PAX7: variants seen among roughly 807,000 people sequenced by gnomAD.
The protein encoded by PAX7 is paired box 7.
Under a neutral mutation model 50.7 loss-of-function variants are expected in PAX7, and 18 were observed. The observed-to-expected ratio is 0.36, with a 90% confidence interval of 0.25 to 0.53. The LOEUF is 0.53. Among genes scored for constraint, PAX7 ranks in the 20% least tolerant of loss-of-function variants. The pLI, the probability that PAX7 is intolerant of heterozygous loss-of-function variation, is 0.93. For synonymous variants in PAX7, 310 were observed against 290.4 expected (o/e 1.07, Z -0.69); for missense variants, 644 against 702.9 (o/e 0.92, Z 0.95).
intron 7 of PAX7, among the ~76,000 whole-genome samples, chr1:18,715,507 A>G (rs555884842): frequency 1.1e-4 from 16 of 152,296 alleles, no homozygotes; most frequent in African/African-American, 3.4e-4. Context: ...TTTCTGTCCT[A>G]CAGATATAGG....
intron 4 of PAX7, among the ~76,000 whole-genome samples, chr1:18,681,773 C>G (rs546841679): frequency 3.6e-5 from 5 of 138,488 alleles, no homozygotes; most frequent in Admixed American, 3.6e-4. Flanking sequence ...TTTTTTGATA[C>G]GGCGTTTCAT....
In PAX7 at chr1:18,631,116, T is replaced by G; in HGVS notation, c.-488T>G. On this transcript the variant is annotated 5_prime_UTR_variant, in exon 1 of 9. Transcript: ENST00000420770. ...TATATAAATAAATACGAGAACGAAATCCACTCCGCAGTCTCCGGGCTCGGA... is the reference window on the plus strand; with the variant it reads ...TATATAAATAAATACGAGAACGAAAGCCACTCCGCAGTCTCCGGGCTCGGA... 1 of 225,818 alleles carries G rather than the reference T, an allele frequency of 4.4e-6. No homozygotes were observed. Among genetic ancestry groups the G allele is most frequent in the Non-Finnish European group, 8.8e-6 (1 of 113,394 alleles). The allele number at this position is 225,818 out of a possible 1,614,324, so 14.0% of individuals were successfully genotyped here.
chr1:18,690,622 G>T (rs1273319286), intron 4 of PAX7, among the ~76,000 whole-genome samples: 1 of 152,236 alleles, frequency 6.6e-6, no homozygotes, highest in Non-Finnish European at 1.5e-5. Flanking sequence ...CCCCAACCAG[G>T]CCTGGGAAGT....
At chr1:18,644,561 C>CT (rs1026030923) in intron 4 of PAX7, among the ~76,000 whole-genome samples, 4 of 152,010 alleles carry the variant, frequency 2.6e-5, no homozygotes, top group African/African-American at 9.7e-5. Context: ...TTTGGGGCTT[C>CT]TAGAGGCCAC....
chr1:18,681,689 G>A (rs977035515), intron 4 of PAX7, among the ~76,000 whole-genome samples: 20 of 135,928 alleles, frequency 1.5e-4, no homozygotes, highest in African/African-American at 5.6e-4. Context: ...CTAGGGCTTA[G>A]AATTTATTTT....
At chr1:18,648,664 C>T (rs938301258) in intron 4 of PAX7, among the ~76,000 whole-genome samples, 1 of 152,140 alleles carries the variant, frequency 6.6e-6, no homozygotes, top group Non-Finnish European at 1.5e-5. Context: ...ATTTATCAAA[C>T]CCTAGGTTGT....
chr1:18,723,718 G>A lies in PAX7; in HGVS notation c.1156-11914G>A, dbSNP rs189312620. 7.6e-4 allele frequency among the ~76,000 whole-genome samples: 116 copies of A among 152,284 alleles called. 2 individuals are homozygous for A. The highest frequency in any genetic ancestry group is 2.6e-4 in the Non-Finnish European group (18 of 68,026). ...TGGGAGGTTTCATTGCACCCATGGC[G>A]GGGGGACCCAAATGCTTTCTTTTTC... On this transcript the variant is annotated intron_variant, in intron 7 of 8. Coordinates refer to ENST00000420770, the MANE Select transcript of PAX7 (RefSeq NM_001135254.2).
rs1162524368 is a variant in PAX7, at chr1:18,700,088, G to A, written c.787-565G>A. 3.8e-5 allele frequency among the ~76,000 whole-genome samples: 4 copies of A among 105,096 alleles called. No homozygotes were observed. Among genetic ancestry groups the A allele is most frequent in the African/African-American group, 1.5e-4 (4 of 26,028 alleles). 68.9% of individuals were successfully genotyped at this position (105,096 alleles called of 152,430 possible). ...ATGTTTGATAAATCCGTGTGTGTGT[G>A]TGTGTGTGTGTGTGTGTGTGTGTGT... is the stretch of plus-strand genomic sequence containing the variant. On this transcript the variant is annotated intron_variant, in intron 5 of 8. Transcript: ENST00000420770. This position sits in a 1 kb window ranked among gnomAD's most constrained non-coding sequence, Gnocchi z 4.8.
At chr1:18,684,612 G>A (rs888237009) in intron 4 of PAX7, among the ~76,000 whole-genome samples, 1 of 152,370 alleles carries the variant, frequency 6.6e-6, no homozygotes, top group East Asian at 1.9e-4. Flanking sequence ...AGCTGTAAAT[G>A]ACTTTTCCAT....
chr1:18,728,005 T>C (rs1345261005), intron 7 of PAX7, among the ~76,000 whole-genome samples: 1 of 151,512 alleles, frequency 6.6e-6, no homozygotes, highest in African/African-American at 2.4e-5. Flanking sequence ...TAGTGGAGTA[T>C]TGAGAGGAAG....
At chr1:18,667,486 C>A (rs541251989) in intron 4 of PAX7, among the ~76,000 whole-genome samples, 2 of 151,714 alleles carry the variant, frequency 1.3e-5, no homozygotes, top group Admixed American at 1.3e-4. Flanking sequence ...AGCAGCAGCC[C>A]GGTAAAAGCG....
chr1:18,699,564 A>ATTT (rs71027390), intron 5 of PAX7, among the ~76,000 whole-genome samples: 3,222 of 143,760 alleles, frequency 0.022, 135 homozygotes, highest in African/African-American at 0.076. Flanking sequence ...AGCCAGACTG[A>ATTT]TTTTTTTTTT....
chr1:18,700,337 G>T lies in PAX7; in HGVS notation c.787-316G>T, dbSNP rs1196958000. 1.3e-5 allele frequency among the ~76,000 whole-genome samples: 2 copies of T among 152,124 alleles called. No individual in the cohort carries two copies. Among genetic ancestry groups the T allele is most frequent in the Non-Finnish European group, 2.9e-5 (2 of 68,014 alleles). ...TGCAGAGGAAAGAGCACTGGCCTGA[G>T]AGCCACACAGGACTGGCTGGACCAC... is the stretch of plus-strand genomic sequence containing the variant. On this transcript the variant is annotated intron_variant, in intron 5 of 8. Coordinates refer to ENST00000420770, the MANE Select transcript of PAX7 (RefSeq NM_001135254.2). The surrounding 1 kb of genome is among the most constrained non-coding windows in gnomAD (Gnocchi z 4.8).
chr1:18,687,772 GA>G (rs2088998733), intron 4 of PAX7, among the ~76,000 whole-genome samples: 1 of 152,156 alleles, frequency 6.6e-6, no homozygotes, highest in Non-Finnish European at 1.5e-5. Context: ...CATCCAAGAG[GA>G]TCATGCCAGA....
chr1:18,676,319 G>A (rs893629864), intron 4 of PAX7, among the ~76,000 whole-genome samples: 10 of 151,970 alleles, frequency 6.6e-5, no homozygotes, highest in Non-Finnish European at 8.8e-5. Flanking sequence ...GCCTGGGAAC[G>A]GCCCATCCAG....
intron 4 of PAX7, among the ~76,000 whole-genome samples, chr1:18,674,818 G>GA (rs2088802111): frequency 6.6e-6 from 1 of 152,144 alleles, no homozygotes; most frequent in Admixed American, 6.5e-5. Flanking sequence ...CATTTCTATA[G>GA]AACAGTGGTT....
At chr1:18,734,566 G>A (rs947313165) in intron 7 of PAX7, among the ~76,000 whole-genome samples, 9 of 152,100 alleles carry the variant, frequency 5.9e-5, no homozygotes, top group African/African-American at 9.7e-5. Context: ...GCTTCTCCCC[G>A]TCCTCTTTCC....
At chr1:18,709,456 C>T (rs557891339) in intron 7 of PAX7, among the ~76,000 whole-genome samples, 59 of 152,360 alleles carry the variant, frequency 3.9e-4, no homozygotes, top group Middle Eastern at 6.8e-3. Flanking sequence ...ACCACGATCA[C>T]GGCCAACCAG....
intron 4 of PAX7, among the ~76,000 whole-genome samples, chr1:18,687,222 C>A (rs1181358042): frequency 3.3e-5 from 5 of 152,074 alleles, no homozygotes; most frequent in Admixed American, 3.3e-4. Context: ...ATTCTCAAAG[C>A]CATCCAGGGA....
Sources: allele counts gnomAD v4.1 joint callset (sites outside exome capture counted in the v4.1 genomes callset), GRCh38; gene constraint gnomAD v4.1.1; non-coding constraint Gnocchi (gnomAD v3.1); transcripts MANE v1.5; gene names NCBI Gene and HGNC (gene_info 2026-07-23, HGNC 2026-07-21).